Variants in CDK5RAP3 observed in about 807,000 individuals in gnomAD.
CDK5RAP3 encodes CDK5 regulatory subunit associated protein 3, also known as CDK5 regulatory subunit-associated protein 3.
A neutral mutation model predicts 73.3 loss-of-function variants in CDK5RAP3; 58 were observed. The ratio of observed to expected loss-of-function variants is 0.79; its 90% CI spans 0.64 to 0.98. The LOEUF (loss-of-function observed/expected upper bound fraction) is 0.98. CDK5RAP3 is among the 50% of genes least tolerant of loss of function. The pLI is 0.00. For synonymous variants in CDK5RAP3, 224 were observed against 247.5 expected, an observed-to-expected ratio of 0.91 and a Z score of 0.89; for missense variants, 525 against 615.8, an observed-to-expected ratio of 0.85 and a Z score of 1.56.
chr17:47,972,747 G>A (rs1038467503), intron 2 of CDK5RAP3, among the ~76,000 whole-genome samples: 4 of 151,976 alleles, frequency 2.6e-5, no homozygotes, highest in Admixed American at 1.3e-4. Context: ...AGTCCTTGCC[G>A]TGTCTCAGGC....
rs1168962759 is a variant in CDK5RAP3 at position 47,978,541 on chromosome 17, G to A, written c.989-288G>A. The stretch of plus-strand genomic sequence containing the variant: ...AGTGGTGTCTGAGCCACTAGAGGGC[G>A]GTGCAGGATGAAACTTTACCTCCTG... On this transcript the variant is annotated intron_variant, in intron 10 of 13. Transcript: ENST00000338399. 2.5e-5 allele frequency: 10 copies of A among 396,168 alleles called. No homozygotes were observed. The East Asian group carries it at 2.8e-4, about 11-fold the overall frequency. The allele number at this position is 396,168 out of a possible 1,614,324, so 24.5% of individuals were successfully genotyped here.
chr17:47,974,900 C>G, intron 5 of CDK5RAP3: 2 of 1,375,360 alleles, frequency 1.5e-6, no homozygotes, highest in Non-Finnish European at 1.9e-6. Context: ...TGAGCATCTA[C>G]TAAATGCAAG....
At chr17:47,970,460 G>T, upstream of CDK5RAP3, 3 of 573,460 alleles carry the variant, frequency 5.2e-6, no homozygotes, top group South Asian at 6.1e-5. Flanking sequence ...CCTAAGCTTT[G>T]TCTGTGTAGT....
chr17:47,978,829 C>T lies in CDK5RAP3; in HGVS notation c.989C>T (p.Ala330Val), dbSNP rs755266433. The change falls in exon 11 of 14, where the codon GCT becomes GTT. Residue 330 changes from alanine to valine, a missense_variant and splice_region_variant. Transcript: ENST00000338399. ...QITVLEAGTQ[A>V]PEGVARGPDA... ...TCACTTCTCTGTCTCTTCCTGGCAGCTCCAGAAGGTGTTGCCAGGGGCCCA... is the reference window on the plus strand; with the variant it reads ...TCACTTCTCTGTCTCTTCCTGGCAGTTCCAGAAGGTGTTGCCAGGGGCCCA... The T allele has an allele frequency of 2.2e-5, 35 of 1,612,878 alleles. No individual in the cohort carries two copies. Among genetic ancestry groups the T allele is most frequent in the Non-Finnish European group, 2.6e-5 (31 of 1,179,074 alleles).
chr17:47,980,850 C>T, intron 12 of CDK5RAP3, 52 bp downstream of exon 12: 5 of 1,543,244 alleles, frequency 3.2e-6, no homozygotes, highest in Non-Finnish European at 4.5e-6. Context: ...GCTCTGCCTC[C>T]TTGTATTCCT....
chr17:47,971,069 C>T, upstream of CDK5RAP3: 1 of 1,550,564 alleles, frequency 6.4e-7, no homozygotes, highest in Non-Finnish European at 8.7e-7. Context: ...TAAACGGAGG[C>T]TCGGCCACAA....
intron 10 of CDK5RAP3, 199 bp downstream of exon 10, chr17:47,978,109 G>C (rs373203190): frequency 2.2e-6 from 1 of 457,382 alleles, no homozygotes; most frequent in East Asian, 4.1e-5. Context: ...CGCTCTTGTT[G>C]CCCAGGCTGG....
At chr17:47,974,619 C>G in intron 5 of CDK5RAP3, 171 bp downstream of exon 5, 1 of 1,436,370 alleles carries the variant, frequency 7.0e-7, no homozygotes, top group Non-Finnish European at 9.1e-7. Context: ...TTGATTTTCC[C>G]TGAGTGGAGT....
chr17:47,974,558 G>A (rs1380373158), intron 5 of CDK5RAP3, 110 bp downstream of exon 5: 1 of 1,574,050 alleles, frequency 6.4e-7, no homozygotes, highest in African/African-American at 1.4e-5. Flanking sequence ...AGAGACTGGA[G>A]TGTAGATGTT....
chr17:47,971,461 C>T (rs2036265109), intron 2 of CDK5RAP3, 54 bp downstream of exon 2: 5 of 1,489,836 alleles, frequency 3.4e-6, no homozygotes, highest in South Asian at 2.6e-5. Flanking sequence ...CTGTGCGTTG[C>T]CCCCTGTGTC....
rs1468891275 is a variant in CDK5RAP3 at position 47,981,537 on chromosome 17, C to T, written c.*35C>T. 8.7e-6 allele frequency: 14 copies of T among 1,614,088 alleles called. No individual in the cohort carries two copies. The highest frequency in any genetic ancestry group is 1.2e-5 in the Non-Finnish European group (14 of 1,180,048). ...TGTTCTTGCCTGCCCATCTTCTCCG[C>T]TTTTGGGATGAAGATGATAGCCAGG... On this transcript the variant is annotated 3_prime_UTR_variant, in exon 14 of 14. Transcript: ENST00000338399.
At position 47,978,816 on chromosome 17, in the gene CDK5RAP3, C is replaced by A. The variant is rs191923757; in HGVS notation, c.989-13C>A. On this transcript the variant is annotated splice_polypyrimidine_tract_variant and intron_variant, in intron 10 of 13. Coordinates refer to ENST00000338399, the MANE Select transcript of CDK5RAP3 (RefSeq NM_176096.3). ...CTCTGATCCTTTATCACTTCTCTGTCTCTTCCTGGCAGCTCCAGAAGGTGT... is the reference window on the plus strand; with the variant it reads ...CTCTGATCCTTTATCACTTCTCTGTATCTTCCTGGCAGCTCCAGAAGGTGT... 51 of 1,607,514 alleles carry A rather than the reference C, an allele frequency of 3.2e-5. No individual in the cohort carries two copies. The Middle Eastern group carries it at 8.3e-4, about 26-fold the overall frequency.
intron 1 of CDK5RAP3, 28 bp downstream of exon 1, chr17:47,971,180 G>A: frequency 6.5e-7 from 1 of 1,541,306 alleles, no homozygotes; most frequent in Admixed American, 2.0e-5. Context: ...GGGTGTGCTG[G>A]GGACTGGCCG....
intron 5 of CDK5RAP3, chr17:47,974,780 A>G (rs1598220802): frequency 7.9e-7 from 1 of 1,268,326 alleles, no homozygotes; most frequent in East Asian, 4.1e-5. Flanking sequence ...CACAAGGCAG[A>G]AGAGGCACGG....
chr17:47,973,377 T>TA (rs1357174636), intron 2 of CDK5RAP3, 142 bp from the exon 3 acceptor site: 13 of 896,732 alleles, frequency 1.4e-5, no homozygotes, highest in East Asian at 1.4e-4. Flanking sequence ...GGCTTGTCTT[T>TA]ATTCCCATCT....
intron 11 of CDK5RAP3, chr17:47,980,145 T>TA (rs2144243673): frequency 5.1e-6 from 1 of 197,798 alleles, no homozygotes; most frequent in East Asian, 1.4e-4. Context: ...TCCTAGCGCT[T>TA]ACAGTGTTCA....
intron 1 of CDK5RAP3, 93 bp downstream of exon 1, chr17:47,971,245 A>G (rs2036255118): frequency 3.3e-6 from 5 of 1,535,078 alleles, no homozygotes; most frequent in Admixed American, 2.0e-5. Flanking sequence ...AACCCAGCCC[A>G]TCGCTCTGGC....
rs1195359632 is a variant in CDK5RAP3 at position 47,978,897 on chromosome 17, T to C, written c.1057T>C (p.Phe353Leu). The C allele has an allele frequency of 5.6e-6, 9 of 1,613,800 alleles. No homozygotes were observed. Among genetic ancestry groups the C allele is most frequent in the Non-Finnish European group, 7.6e-6 (9 of 1,179,802 alleles). Residue 353 changes from phenylalanine (F) to leucine (L), a missense_variant, in exon 11 of 14, where the codon TTC (phenylalanine) becomes CTC (leucine). Coordinates refer to ENST00000338399, the MANE Select transcript of CDK5RAP3 (RefSeq NM_176096.3). Reference sequence around the variant, plus strand: ...TGAATACACTGAGACCCGGAATCAGTTCCTTGATGAGCTCATGGAGGTACT... The same window carrying C: ...TGAATACACTGAGACCCGGAATCAGCTCCTTGATGAGCTCATGGAGGTACT... ...LLEYTETRNQ[F>L]LDELMELEIF...
Position 47,980,653 on chromosome 17 carries a change from G to A in CDK5RAP3, c.1138G>A (p.Val380Met), listed in dbSNP as rs756140427. The A allele has an allele frequency of 3.7e-6, 6 of 1,614,008 alleles. No homozygotes were observed. The South Asian group carries it at 6.6e-5, about 18-fold the overall frequency. ...GAGTGAGGAGGCAGATGTCCTGTCT[G>A]TGAGCCAGTTCCAGCTGGCTCCAGC... ...ELSEEADVLS[V>M]SQFQLAPAIL... The change falls in exon 12 of 14, where the codon GTG becomes ATG. Residue 380 changes from valine (V) to methionine (M), a missense_variant. Coordinates refer to ENST00000338399, the MANE Select transcript of CDK5RAP3 (RefSeq NM_176096.3).
Sources: allele counts gnomAD v4.1 joint callset (sites outside exome capture counted in the v4.1 genomes callset), GRCh38; gene constraint gnomAD v4.1.1; transcripts MANE v1.5; gene names NCBI Gene and HGNC (gene_info 2026-07-23, HGNC 2026-07-21).